Variants in AKR1C3 observed in about 807,000 individuals in gnomAD.
AKR1C3 encodes 3-alpha hydroxysteroid dehydrogenase, type II.
A neutral mutation model predicts 43.6 loss-of-function variants in AKR1C3; 48 were observed. The observed-to-expected ratio is 1.10, with a 90% confidence interval of 0.87 to 1.40. The LOEUF (loss-of-function observed/expected upper bound fraction) is 1.40, where lower values mean the gene tolerates loss of function less well. Ranked by LOEUF, AKR1C3 falls within the 40% of genes most tolerant of loss-of-function variation. AKR1C3 has a pLI of 0.00. For synonymous variants in AKR1C3, 162 were observed against 139.6 expected, an observed-to-expected ratio of 1.16 and a Z score of -1.13; for missense variants, 482 against 391.2, an observed-to-expected ratio of 1.23 and a Z score of -1.96.
intron 1 of AKR1C3, among the ~76,000 whole-genome samples, chr10:5,054,810 C>G (rs1383669620): frequency 6.6e-6 from 1 of 152,130 alleles, no homozygotes; most frequent in East Asian, 1.9e-4. Flanking sequence ...CTTCCTGTCT[C>G]TTTCTTTCCT....
intron 1 of AKR1C3, among the ~76,000 whole-genome samples, chr10:5,088,009 T>G (rs1839010331): frequency 6.6e-6 from 1 of 152,158 alleles, no homozygotes; most frequent in Non-Finnish European, 1.5e-5. Flanking sequence ...CGAGAGATTT[T>G]GGCATGTTGT....
chr10:5,057,708 A>G (rs1417481320), intron 1 of AKR1C3, among the ~76,000 whole-genome samples: 2 of 152,184 alleles, frequency 1.3e-5, no homozygotes, highest in African/African-American at 2.4e-5. Flanking sequence ...ATCTGAGTCA[A>G]GGTCCCAGTG....
rs1472359283 is a variant in AKR1C3 at position 5,107,651 on chromosome 10, C to T, written c.*148C>T. ...AGTCAACTACAGCTGAGTCCATAGG[C>T]CAGAAAGACAATAAATTTTTATCAT... On this transcript the variant is annotated 3_prime_UTR_variant, in exon 9 of 9. Transcript: ENST00000380554. 3.4e-6 allele frequency: 2 copies of T among 586,706 alleles called. No homozygotes were observed. The highest frequency in any genetic ancestry group is 6.1e-6 in the Non-Finnish European group (2 of 330,226). The allele number at this position is 586,706 out of a possible 1,614,324, so 36.3% of individuals were successfully genotyped here. A position where few individuals can be genotyped will look rare whatever the true frequency, so the allele number is the denominator to read the frequency against.
intron 1 of AKR1C3, among the ~76,000 whole-genome samples, chr10:5,085,204 C>A (rs554796878): frequency 1.3e-5 from 2 of 151,922 alleles, no homozygotes; most frequent in African/African-American, 4.8e-5. Flanking sequence ...ATGATATTAG[C>A]TGTGGGTTTG....
intron 1 of AKR1C3, among the ~76,000 whole-genome samples, chr10:5,066,171 C>T (rs1554780781): frequency 6.6e-6 from 1 of 151,874 alleles, no homozygotes; most frequent in Non-Finnish European, 1.5e-5. Context: ...TTGCAGGAGA[C>T]AAACAAAATT....
intron 1 of AKR1C3, among the ~76,000 whole-genome samples, chr10:5,058,388 A>G (rs1316502569): frequency 6.6e-6 from 1 of 152,034 alleles, no homozygotes; most frequent in Non-Finnish European, 1.5e-5. Flanking sequence ...CATCAAAGAG[A>G]GAATATTGGG....
intron 1 of AKR1C3, among the ~76,000 whole-genome samples, chr10:5,085,964 C>G (rs1295290673): frequency 4.0e-5 from 6 of 151,772 alleles, no homozygotes; most frequent in African/African-American, 1.5e-4. Context: ...ATTCTTCTCT[C>G]TTTTCTTTTT....
intron 1 of AKR1C3, among the ~76,000 whole-genome samples, chr10:5,072,178 C>T (rs1197502181): frequency 1.3e-5 from 2 of 152,140 alleles, no homozygotes; most frequent in Non-Finnish European, 2.9e-5. Context: ...TAGGGATTTA[C>T]AAATGTGTTT....
intron 1 of AKR1C3, among the ~76,000 whole-genome samples, chr10:5,070,954 G>A (rs2131803496): frequency 6.6e-6 from 1 of 152,304 alleles, no homozygotes; most frequent in South Asian, 2.1e-4. Flanking sequence ...TGTTTTGGGG[G>A]TATTTTAGGA....
upstream of AKR1C3, chr10:5,094,329 T>A: frequency 1.8e-6 from 2 of 1,100,092 alleles, no homozygotes; most frequent in Non-Finnish European, 2.6e-6. Context: ...CTACATGCCA[T>A]TGGTTAACCA....
intron 5 of AKR1C3, 144 bp from the exon 6 acceptor site, chr10:5,101,957 A>T (rs1839361774): frequency 1.8e-6 from 1 of 568,408 alleles, no homozygotes; most frequent in South Asian, 2.7e-5. Flanking sequence ...TATTTCTATG[A>T]AAAAGGTTAT....
chr10:5,101,464 C>G lies in AKR1C3; in HGVS notation c.571-637C>G, dbSNP rs540168350. Among the ~76,000 whole-genome samples, 4 of 86,552 alleles carry G rather than the reference C, an allele frequency of 4.6e-5. No individual in the cohort carries two copies. The South Asian group carries it at 2.7e-3, about 58-fold the overall frequency. The allele number at this position is 86,552 out of a possible 152,430, so 56.8% of individuals were successfully genotyped here. A position where few individuals can be genotyped will look rare whatever the true frequency, so the allele number is the denominator to read the frequency against. On this transcript the variant is annotated intron_variant, in intron 5 of 8. Coordinates refer to ENST00000380554, the MANE Select transcript of AKR1C3 (RefSeq NM_003739.6). The stretch of plus-strand genomic sequence containing the variant: ...ATGAAGAACAAATATTCCTCAAAGA[C>G]AAAGTTTAATACTTGCCTCTAAATA...
At chr10:5,100,267 C>G (rs553560128) in intron 5 of AKR1C3, among the ~76,000 whole-genome samples, 2 of 152,186 alleles carry the variant, frequency 1.3e-5, no homozygotes, top group Non-Finnish European at 2.9e-5. Context: ...GCACTCCAGC[C>G]TGGGCAACAA....
intron 1 of AKR1C3, among the ~76,000 whole-genome samples, chr10:5,063,631 A>T (rs56259338): frequency 0.15 from 23,208 of 151,412 alleles, 2,199 homozygotes; most frequent in Admixed American, 0.25. Flanking sequence ...TACTAAAAAC[A>T]CAAAATTAAG....
At chr10:5,096,110 ATTAAAAATAATTAGGACT>A (rs1329813149) in intron 1 of AKR1C3, 4 of 236,654 alleles carry the variant, frequency 1.7e-5, no homozygotes, top group Admixed American at 5.1e-5. Flanking sequence ...ATATCACTAT[ATTAAAAATAATTAGGACT>A]ATTTCAGTCA....
intron 4 of AKR1C3, 47 bp from the exon 5 acceptor site, chr10:5,099,280 T>C: frequency 6.2e-7 from 1 of 1,612,764 alleles, no homozygotes. Flanking sequence ...TTACCGTGAT[T>C]TGCAGCCAAC....
rs1431321425 is a variant in AKR1C3, at chr10:5,102,829, C to T, written c.846+179C>T. 2.6e-5 allele frequency among the ~76,000 whole-genome samples: 4 copies of T among 152,158 alleles called. No homozygotes were observed. In the East Asian group the frequency reaches 7.7e-4, roughly 29 times the overall value. On this transcript the variant is annotated intron_variant, in intron 7 of 8. Coordinates refer to ENST00000380554, the MANE Select transcript of AKR1C3 (RefSeq NM_003739.6). ...TACCACGGGAGAGGCAGCACAGGTGCAGAGAATTAAGATGGGACCAAAAAT... is the reference window on the plus strand; with the variant it reads ...TACCACGGGAGAGGCAGCACAGGTGTAGAGAATTAAGATGGGACCAAAAAT...
chr10:5,072,829 T>C (rs1164912212), intron 1 of AKR1C3, among the ~76,000 whole-genome samples: 1 of 152,208 alleles, frequency 6.6e-6, no homozygotes, highest in Non-Finnish European at 1.5e-5. Flanking sequence ...ATCATTTATC[T>C]CAAGAAGATG....
chr10:5,103,178 G>A (rs7090349), intron 7 of AKR1C3, among the ~76,000 whole-genome samples: 50,492 of 151,960 alleles, frequency 0.33, 9,014 homozygotes, highest in Non-Finnish European at 0.37. Flanking sequence ...GTGAGCCACC[G>A]CTCCTGGCCT....
Sources: allele counts gnomAD v4.1 joint callset (sites outside exome capture counted in the v4.1 genomes callset), GRCh38; gene constraint gnomAD v4.1.1; transcripts MANE v1.5; gene names NCBI Gene and HGNC (gene_info 2026-07-23, HGNC 2026-07-21).